Variants in GARIN1A observed in about 807,000 individuals in gnomAD.
GARIN1A encodes the protein golgi associated RAB2 interactor 1A.
At chr7:128,706,217 T>C in the GARIN1A span, among the ~76,000 whole-genome samples, 1 of 152,192 alleles carries the variant, frequency 6.6e-6, no homozygotes, top group African/African-American at 2.4e-5. Context: ...ACTTCCTTCC[T>C]TTCTGGCAAA....
At chr7:128,679,490 C>G in the GARIN1A span, among the ~76,000 whole-genome samples, 1 of 152,094 alleles carries the variant, frequency 6.6e-6, no homozygotes, top group African/African-American at 2.4e-5. Flanking sequence ...TGCGCCCAGC[C>G]TAAAATAAAA....
At chr7:128,680,164 G>A in the GARIN1A span, 1 of 1,473,354 alleles carries the variant, frequency 6.8e-7, no homozygotes, top group Non-Finnish European at 9.2e-7. Context: ...GTCCTCTGTG[G>A]GGTCAGCTCC....
chr7:128,692,267 A>AG, the GARIN1A span, among the ~76,000 whole-genome samples: 1 of 152,212 alleles, frequency 6.6e-6, no homozygotes, highest in Non-Finnish European at 1.5e-5. Context: ...GGGTCCTACT[A>AG]GACTGACCCA....
At chr7:128,682,445 G>C in the GARIN1A span, among the ~76,000 whole-genome samples, 1 of 152,316 alleles carries the variant, frequency 6.6e-6, no homozygotes, top group African/African-American at 2.4e-5. Context: ...CCTCCTCTGT[G>C]GCTTTCTCTC....
the GARIN1A span, chr7:128,677,922 T>C: frequency 2.1e-6 from 2 of 953,032 alleles, no homozygotes. Context: ...AAAAGCTCTT[T>C]GTAAATATCA....
chr7:128,704,749 T>C, the GARIN1A span, among the ~76,000 whole-genome samples: 6 of 152,276 alleles, frequency 3.9e-5, no homozygotes, highest in African/African-American at 9.6e-5. Context: ...GCAGAGGCTG[T>C]AAATACAGAT....
the GARIN1A span, chr7:128,687,498 TAG>T: frequency 6.6e-6 from 1 of 152,244 alleles, no homozygotes; most frequent in African/African-American, 2.4e-5. Flanking sequence ...TGCAGCAAGC[TAG>T]GTGGTTTCCC....
the GARIN1A span, among the ~76,000 whole-genome samples, chr7:128,703,373 A>T: frequency 6.6e-6 from 1 of 152,270 alleles, no homozygotes; most frequent in Non-Finnish European, 1.5e-5. Flanking sequence ...AGTAAAAGAA[A>T]GATTTCTGGG....
At chr7:128,699,535 C>T in the GARIN1A span, among the ~76,000 whole-genome samples, 1 of 152,062 alleles carries the variant, frequency 6.6e-6, no homozygotes, top group South Asian at 2.1e-4. Flanking sequence ...AGTGATTTTT[C>T]GTTTGATTTA....
chr7:128,681,892 C>A, the GARIN1A span, among the ~76,000 whole-genome samples: 6 of 113,700 alleles, frequency 5.3e-5, no homozygotes, highest in African/African-American at 1.9e-4. Context: ...CCCCCCCCCA[C>A]AACCCCCCTG....
At chr7:128,704,666 G>A in the GARIN1A span, among the ~76,000 whole-genome samples, 1 of 152,114 alleles carries the variant, frequency 6.6e-6, no homozygotes, top group South Asian at 2.1e-4. Flanking sequence ...AATAGGGTTC[G>A]CACGCCTATG....
chr7:128,696,928 A>G, the GARIN1A span, among the ~76,000 whole-genome samples: 1 of 152,104 alleles, frequency 6.6e-6, no homozygotes, highest in Non-Finnish European at 1.5e-5. Context: ...CCCCCAACCC[A>G]CTCACCCAAT....
chr7:128,673,070 C>T, the GARIN1A span, among the ~76,000 whole-genome samples: 3 of 152,108 alleles, frequency 2.0e-5, no homozygotes, highest in African/African-American at 2.4e-5. Flanking sequence ...GGAAGGTGGT[C>T]GTTTTCGTAA....
the GARIN1A span, among the ~76,000 whole-genome samples, chr7:128,707,753 A>G: frequency 6.6e-6 from 1 of 152,108 alleles, no homozygotes; most frequent in African/African-American, 2.4e-5. Flanking sequence ...TGCCCGGCCA[A>G]ATATTTTTGA....
the GARIN1A span, among the ~76,000 whole-genome samples, chr7:128,671,641 G>A: frequency 6.7e-4 from 59 of 88,642 alleles, no homozygotes; most frequent in Admixed American, 5.5e-4. Flanking sequence ...GCAAAACTCT[G>A]TCTCAAAAAA....
the GARIN1A span, chr7:128,684,730 G>A: frequency 6.6e-6 from 1 of 151,994 alleles, no homozygotes; most frequent in Non-Finnish European, 1.5e-5. Flanking sequence ...AAAACATGGT[G>A]AGGAAGATAT....
the GARIN1A span, among the ~76,000 whole-genome samples, chr7:128,681,160 T>C: frequency 6.6e-6 from 1 of 152,224 alleles, no homozygotes; most frequent in Admixed American, 6.5e-5. Flanking sequence ...TCTCTGAGAA[T>C]ATAAAAGGTC....
chr7:128,672,072 G>T, the GARIN1A span, among the ~76,000 whole-genome samples: 148,631 of 152,220 alleles, frequency 0.98, 72,651 homozygotes, highest in Middle Eastern at 1. Flanking sequence ...TTTTTTCCAT[G>T]TGGGGTAAGG....
chr7:128,677,703 C>T, the GARIN1A span: 6 of 1,613,592 alleles, frequency 3.7e-6, no homozygotes, highest in Admixed American at 1.7e-5. Flanking sequence ...ATTCTGGGTC[C>T]GCTTGGTGAA....
Sources: gnomAD v4.1 joint callset for allele counts (sites outside exome capture counted in the v4.1 genomes callset) on GRCh38, gnomAD v4.1.1 for gene constraint, MANE v1.5 for transcripts, NCBI Gene and HGNC (gene_info 2026-07-23, HGNC 2026-07-21) for gene names.